ROCK2: variants seen among roughly 807,000 people sequenced by gnomAD.
ROCK2 encodes rho-associated protein kinase 2.
In ROCK2, 61 loss-of-function variants were observed where a neutral mutation model predicts 195.1. The observed-to-expected ratio is 0.31, with a 90% CI of 0.25 to 0.39. The LOEUF is 0.39. ROCK2 is among the 10% of genes least tolerant of loss of function. The probability of loss-of-function intolerance (pLI) is 1.00; values close to 1 mark genes in which losing one functional copy is unlikely to be tolerated. For missense variants in ROCK2, 1,109 were observed against 1,637.4 expected (o/e 0.68, Z 5.57); for synonymous variants, 504 against 545.5 (o/e 0.92, Z 1.06).
intron 3 of ROCK2, among the ~76,000 whole-genome samples, chr2:11,283,967 A>G (rs543456153): frequency 6.6e-6 from 1 of 152,376 alleles, no homozygotes; most frequent in East Asian, 1.9e-4. Context: ...ATGGATGTCT[A>G]TAGTGCTTTA....
intron 3 of ROCK2, among the ~76,000 whole-genome samples, chr2:11,252,344 G>A (rs1216244768): frequency 6.6e-6 from 1 of 151,586 alleles, no homozygotes; most frequent in African/African-American, 2.4e-5. Flanking sequence ...CCGGGTGGCT[G>A]AGGCTGCAGC....
chr2:11,270,459 T>C (rs1257540480), intron 3 of ROCK2, among the ~76,000 whole-genome samples: 1 of 152,210 alleles, frequency 6.6e-6, no homozygotes, highest in Non-Finnish European at 1.5e-5. Context: ...GTTGTTTTTT[T>C]CTTCTTCTTG....
intron 28 of ROCK2, 104 bp from the exon 29 acceptor site, chr2:11,194,448 A>G: frequency 4.9e-6 from 2 of 410,100 alleles, no homozygotes; most frequent in Non-Finnish European, 8.9e-6. Context: ...AAATCATAAA[A>G]TACTAAGTAA....
chr2:11,274,774 C>G (rs945607805), intron 3 of ROCK2, among the ~76,000 whole-genome samples: 2 of 152,160 alleles, frequency 1.3e-5, no homozygotes, highest in African/African-American at 2.4e-5. Flanking sequence ...CAGCATTACC[C>G]TGATACCAAG....
chr2:11,254,252 T>C (rs1357383078), intron 3 of ROCK2, among the ~76,000 whole-genome samples: 1 of 152,072 alleles, frequency 6.6e-6, no homozygotes, highest in Non-Finnish European at 1.5e-5. Flanking sequence ...AGACTGTAAT[T>C]CCTGAGAGAA....
chr2:11,250,558 G>T (rs1040399755), intron 3 of ROCK2, among the ~76,000 whole-genome samples: 2 of 152,180 alleles, frequency 1.3e-5, no homozygotes, highest in African/African-American at 2.4e-5. Flanking sequence ...CTAATAGGAT[G>T]CCTAAAACTG....
intron 8 of ROCK2, 118 bp downstream of exon 8, chr2:11,221,965 C>T: frequency 1.7e-6 from 1 of 599,524 alleles, no homozygotes; most frequent in Non-Finnish European, 3.0e-6. Flanking sequence ...TGAAATTTCT[C>T]AATTTAAAAA....
chr2:11,234,399 ATCT>A (rs1665130811), intron 5 of ROCK2: 1 of 152,206 alleles, frequency 6.6e-6, no homozygotes, highest in Non-Finnish European at 1.5e-5. Context: ...ACACAAAAAC[ATCT>A]TCTCTTATGT....
chr2:11,231,412 TA>T, intron 5 of ROCK2, among the ~76,000 whole-genome samples: 1 of 152,278 alleles, frequency 6.6e-6, no homozygotes, highest in Non-Finnish European at 1.5e-5. Flanking sequence ...TTCACCATAC[TA>T]GCGAGGCTGG....
chr2:11,328,092 G>T (rs185824184), intron 1 of ROCK2, among the ~76,000 whole-genome samples: 56 of 152,038 alleles, frequency 3.7e-4, no homozygotes, highest in Non-Finnish European at 6.8e-4. Flanking sequence ...CCACATCTCT[G>T]ATATGAAACT....
intron 1 of ROCK2, among the ~76,000 whole-genome samples, chr2:11,319,617 G>A (rs1668339011): frequency 6.6e-6 from 1 of 152,030 alleles, no homozygotes; most frequent in Non-Finnish European, 1.5e-5. Flanking sequence ...GATTGCCCTG[G>A]CCAGAACTTC....
At chr2:11,222,875 G>A (rs370524854) in intron 7 of ROCK2, among the ~76,000 whole-genome samples, 1 of 152,192 alleles carries the variant, frequency 6.6e-6, no homozygotes, top group Admixed American at 6.5e-5. Context: ...CAAAATATCA[G>A]TTTTCCACCT....
At chr2:11,218,488 A>ACACAT in intron 10 of ROCK2, 22 bp from the exon 11 acceptor site, 2 of 1,476,304 alleles carry the variant, frequency 1.4e-6, no homozygotes, top group Non-Finnish European at 9.3e-7. Context: ...AAAACAGAAA[A>ACACAT]CACATTAAAA....
Position 11,299,742 on chromosome 2 carries a change from C to G in ROCK2, c.142-12006G>C, listed in dbSNP as rs148898142. 3.3e-4 allele frequency among the ~76,000 whole-genome samples: 51 copies of G among 152,316 alleles called. 1 individual carries two copies. In the East Asian group the frequency reaches 9.8e-3, roughly 29 times the overall value. On this transcript the variant is annotated intron_variant, in intron 1 of 32. Coordinates refer to ENST00000315872, the MANE Select transcript of ROCK2 (RefSeq NM_004850.5). ...CGCTTCTCTTTTCTTCTTCTAACTA[C>G]ATTTGTAACTATGCAGAACGAGTAG...
intron 28 of ROCK2, 94 bp downstream of exon 28, chr2:11,194,861 A>C (rs1446591816): frequency 1.8e-6 from 1 of 542,962 alleles, no homozygotes; most frequent in Non-Finnish European, 3.2e-6. Flanking sequence ...GTCTAAAGGT[A>C]CCAGTCATGT....
At chr2:11,305,994 A>C (rs1667847697) in intron 1 of ROCK2, among the ~76,000 whole-genome samples, 1 of 152,200 alleles carries the variant, frequency 6.6e-6, no homozygotes, top group South Asian at 2.1e-4. Flanking sequence ...CTACAAAATA[A>C]ATGGCTTGTA....
intron 9 of ROCK2, among the ~76,000 whole-genome samples, chr2:11,220,680 G>C (rs1572262297): frequency 6.6e-6 from 1 of 152,084 alleles, no homozygotes; most frequent in Non-Finnish European, 1.5e-5. Context: ...CCAAACATTT[G>C]CTTCCACTAT....
At chr2:11,341,448 T>C (rs1489960125) in intron 1 of ROCK2, among the ~76,000 whole-genome samples, 1 of 152,244 alleles carries the variant, frequency 6.6e-6, no homozygotes, top group African/African-American at 2.4e-5. Flanking sequence ...TAATGAGCAC[T>C]GTGATGTACC....
chr2:11,318,302 A>G (rs1668289631), intron 1 of ROCK2, among the ~76,000 whole-genome samples: 1 of 152,122 alleles, frequency 6.6e-6, no homozygotes, highest in South Asian at 2.1e-4. Flanking sequence ...AATGATAGCC[A>G]TTCTAACTGG....
Sources: gnomAD v4.1 joint callset for allele counts (sites outside exome capture counted in the v4.1 genomes callset) on GRCh38, gnomAD v4.1.1 for gene constraint, MANE v1.5 for transcripts, NCBI Gene and HGNC (gene_info 2026-07-23, HGNC 2026-07-21) for gene names.